Variants in PTPN2 observed in about 807,000 individuals in gnomAD.
PTPN2 encodes the protein tyrosine-protein phosphatase non-receptor type 2.
A neutral mutation model predicts 57.3 loss-of-function variants in PTPN2; 19 were observed. That is an observed-to-expected ratio of 0.33 (90% confidence interval 0.23 to 0.49). The LOEUF (loss-of-function observed/expected upper bound fraction) is 0.49, where lower values mean the gene tolerates loss of function less well. Among genes scored for constraint, PTPN2 ranks in the 20% least tolerant of loss-of-function variants. The pLI is 0.99. For synonymous variants in PTPN2, 153 were observed against 164.9 expected, an observed-to-expected ratio of 0.93 and a Z score of 0.55; for missense variants, 358 against 501.1, an observed-to-expected ratio of 0.71 and a Z score of 2.73.
intron 7 of PTPN2, among the ~76,000 whole-genome samples, chr18:12,804,216 C>G (rs1013753416): frequency 7.5e-6 from 1 of 133,986 alleles, no homozygotes; most frequent in Admixed American, 8.8e-5. Flanking sequence ...CACTTGAACC[C>G]GGGAGGCGGA....
chr18:12,805,168 AC>A (rs1162366339), intron 7 of PTPN2, among the ~76,000 whole-genome samples: 2 of 152,120 alleles, frequency 1.3e-5, no homozygotes, highest in Non-Finnish European at 2.9e-5. Flanking sequence ...ATAAAATTCA[AC>A]ATAGCGGCTG....
At chr18:12,827,342 CAA>C (rs200266093) in intron 4 of PTPN2, among the ~76,000 whole-genome samples, 14 of 136,664 alleles carry the variant, frequency 1.0e-4, no homozygotes, top group South Asian at 4.7e-4. Flanking sequence ...GACTCCGTCT[CAA>C]AAAAAAAAAA....
chr18:12,842,586 A>G lies in PTPN2; in HGVS notation c.161-5695T>C, dbSNP rs2043080161. On this transcript the variant is annotated intron_variant, in intron 2 of 8. Transcript: ENST00000309660. ...TATTTTAGTTAACAGTGTTCCAAGC[A>G]CAGAGAACGGCGAATGACTTAAGGT... 1.3e-5 allele frequency among the ~76,000 whole-genome samples: 2 copies of G among 152,126 alleles called. 1 individual carries two copies. Among genetic ancestry groups the G allele is most frequent in the South Asian group, 4.1e-4 (2 of 4,828 alleles).
At chr18:12,872,205 C>T (rs1241660162) in intron 1 of PTPN2, 1 of 152,172 alleles carries the variant, frequency 6.6e-6, no homozygotes, top group Non-Finnish European at 1.5e-5. Context: ...GGGGTACAAA[C>T]TCTAGGAATC....
Position 12,884,154 on chromosome 18 carries a change from G to T in PTPN2, c.-13C>A. ...TGGTGGTGGGCATGGCTGCGGGAGC[G>T]AGCTGGCGCGAGCAGAGCCTGCGCC... On this transcript the variant is annotated 5_prime_UTR_variant, in exon 1 of 9. Transcript: ENST00000309660. The T allele has an allele frequency of 1.9e-6, 3 of 1,571,840 alleles. No individual in the cohort carries two copies. The South Asian group carries it at 3.5e-5, about 18-fold the overall frequency.
intron 5 of PTPN2, among the ~76,000 whole-genome samples, chr18:12,817,891 A>G (rs1212435910): frequency 6.6e-6 from 1 of 152,230 alleles, no homozygotes; most frequent in Non-Finnish European, 1.5e-5. Context: ...CTGTAATCCC[A>G]GCACTTTGGG....
At chr18:12,786,054 T>C in intron 9 of PTPN2, 1 of 552,044 alleles carries the variant, frequency 1.8e-6, no homozygotes, top group Non-Finnish European at 3.2e-6. Flanking sequence ...GATGGTGGTG[T>C]GACGCGGCCT....
intron 1 of PTPN2, among the ~76,000 whole-genome samples, chr18:12,871,197 A>G (rs900225568): frequency 6.6e-6 from 1 of 152,212 alleles, no homozygotes; most frequent in African/African-American, 2.4e-5. Context: ...TTAGCCAGTC[A>G]TCTATAATGG....
intron 7 of PTPN2, among the ~76,000 whole-genome samples, chr18:12,806,604 C>T (rs1054327719): frequency 6.6e-6 from 1 of 151,990 alleles, no homozygotes; most frequent in Non-Finnish European, 1.5e-5. Context: ...GGTATAAAGA[C>T]CAATAAAACA....
chr18:12,879,882 T>G (rs1016510824), intron 1 of PTPN2, among the ~76,000 whole-genome samples: 3 of 152,238 alleles, frequency 2.0e-5, no homozygotes, highest in African/African-American at 7.2e-5. Flanking sequence ...AAAAACATTA[T>G]CAGAAACATC....
chr18:12,828,058 G>A (rs2042540341), intron 4 of PTPN2, among the ~76,000 whole-genome samples: 1 of 151,818 alleles, frequency 6.6e-6, no homozygotes, highest in Admixed American at 6.6e-5. Flanking sequence ...AAGAACAAGA[G>A]ACTTATAAAG....
At chr18:12,848,383 C>G (rs2043282979) in intron 2 of PTPN2, among the ~76,000 whole-genome samples, 1 of 152,202 alleles carries the variant, frequency 6.6e-6, no homozygotes, top group South Asian at 2.1e-4. Context: ...ACTGATACTT[C>G]CTCCATCAAA....
chr18:12,789,878 G>GTA (rs1002659485), downstream of PTPN2, among the ~76,000 whole-genome samples: 1 of 151,452 alleles, frequency 6.6e-6, no homozygotes, highest in Middle Eastern at 3.4e-3. Context: ...GTGTGTGTGT[G>GTA]TATATATATA....
intron 7 of PTPN2, among the ~76,000 whole-genome samples, chr18:12,807,568 G>GGAAAAAAAAAAA (rs1491298104): frequency 2.4e-5 from 1 of 41,192 alleles, no homozygotes; most frequent in African/African-American, 6.9e-5. Flanking sequence ...AGAAAATGTG[G>GGAAAAAAAAAAA]AAAAAAAAAA....
At chr18:12,829,046 C>T (rs141322301) in intron 4 of PTPN2, among the ~76,000 whole-genome samples, 69 of 152,246 alleles carry the variant, frequency 4.5e-4, no homozygotes, top group African/African-American at 1.4e-3. Flanking sequence ...TACAGGCATG[C>T]GCCACCACAC....
chr18:12,809,038 T>A (rs2041797845), intron 7 of PTPN2, among the ~76,000 whole-genome samples: 1 of 152,146 alleles, frequency 6.6e-6, no homozygotes, highest in South Asian at 2.1e-4. Context: ...CTTGTGATGC[T>A]AAAGGACTTT....
downstream of PTPN2, among the ~76,000 whole-genome samples, chr18:12,789,247 G>A (rs2542160): frequency 6.6e-6 from 1 of 152,018 alleles, no homozygotes; most frequent in Non-Finnish European, 1.5e-5. Context: ...AGGGCTCTTG[G>A]CAATGCTGTC....
At chr18:12,880,965 G>A (rs1282083594) in intron 1 of PTPN2, among the ~76,000 whole-genome samples, 1 of 152,084 alleles carries the variant, frequency 6.6e-6, no homozygotes, top group African/African-American at 2.4e-5. Context: ...TGTACATAAC[G>A]TATACCCCTT....
intron 1 of PTPN2, among the ~76,000 whole-genome samples, chr18:12,882,985 T>G (rs547091149): frequency 4.6e-5 from 7 of 152,284 alleles, no homozygotes; most frequent in Non-Finnish European, 1.0e-4. Flanking sequence ...TTAAAAGAGA[T>G]AAAGTTTTGT....
Sources: allele counts gnomAD v4.1 joint callset (sites outside exome capture counted in the v4.1 genomes callset), GRCh38; gene constraint gnomAD v4.1.1; transcripts MANE v1.5; gene names NCBI Gene and HGNC (gene_info 2026-07-23, HGNC 2026-07-21).